TTC6: variants seen among roughly 807,000 people sequenced by gnomAD.
TTC6 encodes the protein tetratricopeptide repeat protein 6.
TTC6 carries 172 observed loss-of-function variants against 210.4 expected under a neutral mutation model. That is an observed-to-expected ratio of 0.82 (90% CI 0.72 to 0.93). TTC6 has a LOEUF of 0.93. Among genes scored for constraint, TTC6 ranks in the 40% least tolerant of loss-of-function variants. TTC6 has a pLI of 0.00. For missense variants in TTC6, 2,414 were observed against 2,318.1 expected (o/e 1.04, Z -0.85); for synonymous variants, 804 against 819.6 (o/e 0.98, Z 0.32).
chr14:37,737,210 T>G (rs965717869), intron 8 of TTC6, among the ~76,000 whole-genome samples: 18 of 152,154 alleles, frequency 1.2e-4, no homozygotes, highest in African/African-American at 4.3e-4. Context: ...GTGGTAACAC[T>G]TGCGTGGTTT....
At chr14:37,771,883 C>G (rs1030043582) in intron 14 of TTC6, among the ~76,000 whole-genome samples, 2 of 152,132 alleles carry the variant, frequency 1.3e-5, no homozygotes, top group African/African-American at 2.4e-5. Flanking sequence ...AGGCGCTCTG[C>G]TTTTTAGAGT....
chr14:37,632,931 A>G (rs1158108171), intron 1 of TTC6, among the ~76,000 whole-genome samples: 1 of 152,212 alleles, frequency 6.6e-6, no homozygotes, highest in East Asian at 1.9e-4. Context: ...CTCCTACTCA[A>G]TCAGTGCCTC....
At chr14:37,796,878 C>G in exon 20 of TTC6, 1 of 1,610,916 alleles carries the variant, frequency 6.2e-7, no homozygotes. Context: ...ACGGAATCAG[C>G]TGGAATAGAG....
intron 5 of TTC6, among the ~76,000 whole-genome samples, chr14:37,704,471 A>C (rs1444360312): frequency 2.0e-5 from 3 of 151,984 alleles, no homozygotes; most frequent in African/African-American, 7.2e-5. Context: ...ATTTTTTCTA[A>C]TCTTTTATTA....
At chr14:37,684,744 A>C (rs1395679809) in intron 3 of TTC6, among the ~76,000 whole-genome samples, 1 of 152,186 alleles carries the variant, frequency 6.6e-6, no homozygotes, top group Non-Finnish European at 1.5e-5. Flanking sequence ...TTTACACTGT[A>C]TGTGGACATT....
intron 7 of TTC6, among the ~76,000 whole-genome samples, chr14:37,732,655 G>C (rs2095890372): frequency 6.6e-6 from 1 of 151,032 alleles, no homozygotes; most frequent in African/African-American, 2.4e-5. Context: ...GTCTTGCTCT[G>C]TCGCCCAGGC....
chr14:37,614,341 C>T (rs2095639184), intron 2 of TTC6, among the ~76,000 whole-genome samples: 1 of 152,128 alleles, frequency 6.6e-6, no homozygotes, highest in African/African-American at 2.4e-5. Context: ...ACATAAAATG[C>T]AGAAACTGTA....
intron 20 of TTC6, among the ~76,000 whole-genome samples, chr14:37,801,899 AT>A (rs34946081): frequency 0.86 from 130,887 of 152,174 alleles, 58,887 homozygotes; most frequent in Non-Finnish European, 1. Flanking sequence ...CTGAGTATAT[AT>A]TCCAAAGGAA....
intron 1 of TTC6, among the ~76,000 whole-genome samples, chr14:37,601,460 G>A (rs936358324): frequency 2.6e-5 from 4 of 152,108 alleles, no homozygotes; most frequent in African/African-American, 9.7e-5. Context: ...CTTCAATCAG[G>A]GAAGAATTCC....
rs148086858 is a variant in TTC6 at position 37,742,781 on chromosome 14, C to A, written c.2363+3626C>A. Among the ~76,000 whole-genome samples, 19 of 152,230 alleles carry A rather than the reference C, an allele frequency of 1.2e-4. No individual in the cohort carries two copies. The East Asian group carries it at 2.1e-3, about 17-fold the overall frequency. On this transcript the variant is annotated intron_variant, in intron 10 of 30. Coordinates refer to ENST00000553443, the Ensembl canonical transcript of TTC6. ...TCTAAAAGCTGGCAGCAGTGATGTT[C>A]TAGGAGCAAGAACTCTGGATCAGGA...
intron 14 of TTC6, among the ~76,000 whole-genome samples, chr14:37,765,497 T>C (rs2095996507): frequency 6.6e-6 from 1 of 152,124 alleles, no homozygotes; most frequent in South Asian, 2.1e-4. Context: ...TACATCCTTA[T>C]ACATTGTATG....
rs868139297 is a variant in TTC6 at position 37,768,282 on chromosome 14, G to A, written c.3266+15047G>A. 6.0e-3 allele frequency among the ~76,000 whole-genome samples: 901 copies of A among 151,146 alleles called. 10 individuals are homozygous for A. Among genetic ancestry groups the A allele is most frequent in the South Asian group, 0.023 (110 of 4,762 alleles). On this transcript the variant is annotated intron_variant, in intron 14 of 30. Coordinates refer to ENST00000553443, the Ensembl canonical transcript of TTC6. Reference sequence around the variant, plus strand: ...TGGCTTAGGATTGACTTGGTGATGCGGGCTCTTTTTTGGTTCCATATGAAC... The same window carrying A: ...TGGCTTAGGATTGACTTGGTGATGCAGGCTCTTTTTTGGTTCCATATGAAC...
At chr14:37,813,866 T>G (rs1246218950) in intron 25 of TTC6, among the ~76,000 whole-genome samples, 2 of 152,176 alleles carry the variant, frequency 1.3e-5, no homozygotes, top group Non-Finnish European at 2.9e-5. Flanking sequence ...TATTTTGAAT[T>G]AAATCATTTC....
rs959131885 is a variant in TTC6 at position 37,790,721 on chromosome 14, C to T, written c.3441C>T (p.Leu1147=). 6 of 1,532,964 alleles carry T rather than the reference C, an allele frequency of 3.9e-6. No individual in the cohort carries two copies. The African/African-American group carries it at 5.5e-5, about 14-fold the overall frequency. The allele number at this position is 1,532,964 out of a possible 1,614,324, so 95.0% of individuals were successfully genotyped here. The change falls in exon 16 of 31, where the codon CTC becomes CTT. Residue 1147 remains leucine, a synonymous_variant. Coordinates refer to ENST00000553443, the Ensembl canonical transcript of TTC6. ...CATTTTTTTAAACTTTTTAAGCACT[C>T]ATAAATGATGGCTATGAGAATCTTG... is the stretch of plus-strand genomic sequence containing the variant.
intron 29 of TTC6, among the ~76,000 whole-genome samples, chr14:37,836,813 G>A (rs1393189306): frequency 6.6e-6 from 1 of 152,100 alleles, no homozygotes; most frequent in Non-Finnish European, 1.5e-5. Context: ...TAGGCTAGGA[G>A]GAAGGGTCCC....
intron 2 of TTC6, among the ~76,000 whole-genome samples, 158 bp downstream of exon 4, chr14:37,680,419 C>G (rs1242573701): frequency 6.6e-6 from 1 of 152,120 alleles, no homozygotes; most frequent in Non-Finnish European, 1.5e-5. Flanking sequence ...CACTGGGAGT[C>G]TTGGCCATTT....
chr14:37,841,487 A>T, exon 30 of TTC6: 1 of 1,592,178 alleles, frequency 6.3e-7, no homozygotes, highest in East Asian at 2.2e-5. Flanking sequence ...TGATCCAGAA[A>T]ATGAATATGT....
chr14:37,634,455 A>G (rs1276475309), intron 1 of TTC6, among the ~76,000 whole-genome samples: 2 of 152,002 alleles, frequency 1.3e-5, no homozygotes, highest in African/African-American at 4.8e-5. Flanking sequence ...AGACTGAGGG[A>G]AAAAAAATGA....
At chr14:37,813,959 C>G (rs961845959) in intron 25 of TTC6, among the ~76,000 whole-genome samples, 11 of 152,230 alleles carry the variant, frequency 7.2e-5, no homozygotes, top group African/African-American at 2.4e-4. Context: ...TGAATCATCT[C>G]TCTCCTGGAC....
Sources: allele counts gnomAD v4.1 joint callset (sites outside exome capture counted in the v4.1 genomes callset), GRCh38; gene constraint gnomAD v4.1.1; transcripts MANE v1.5; gene names NCBI Gene and HGNC (gene_info 2026-07-23, HGNC 2026-07-21).